TNS1: variants seen among roughly 807,000 people sequenced by gnomAD.
TNS1 encodes tensin 1.
In TNS1, 62 loss-of-function variants were observed where a neutral mutation model predicts 168.6. That is an observed-to-expected ratio of 0.37 (90% confidence interval 0.30 to 0.45). The LOEUF is 0.45. TNS1 is among the 20% of genes least tolerant of loss of function. The pLI is 1.00. For synonymous variants in TNS1, 934 were observed against 933.2 expected, an observed-to-expected ratio of 1.00 and a Z score of -0.02; for missense variants, 2,240 against 2,339.4, an observed-to-expected ratio of 0.96 and a Z score of 0.88.
chr2:217,958,548 T>A (rs146077770), intron 3 of TNS1, among the ~76,000 whole-genome samples: 95 of 152,324 alleles, frequency 6.2e-4, no homozygotes, highest in African/African-American at 2.2e-3. Context: ...CTGGACTAGT[T>A]CTTTACTTCC....
At chr2:217,956,356 A>C (rs1234512288) in intron 3 of TNS1, among the ~76,000 whole-genome samples, 1 of 152,094 alleles carries the variant, frequency 6.6e-6, no homozygotes, top group Non-Finnish European at 1.5e-5. Context: ...CCTGGGGAAC[A>C]AGGGAGGCTC....
intron 3 of TNS1, among the ~76,000 whole-genome samples, chr2:217,920,969 G>T (rs923531295): frequency 6.6e-6 from 1 of 151,728 alleles, no homozygotes; most frequent in East Asian, 2.0e-4. Flanking sequence ...AGAAGGGAGA[G>T]GGGGAGAGTA....
At chr2:217,899,014 C>T (rs1952635932) in intron 7 of TNS1, among the ~76,000 whole-genome samples, 1 of 152,238 alleles carries the variant, frequency 6.6e-6, no homozygotes, top group Admixed American at 6.5e-5. Context: ...CCTTTCACCA[C>T]AGCGGGATAA....
chr2:217,867,668 C>T (rs1000575781), intron 18 of TNS1, among the ~76,000 whole-genome samples: 2 of 152,252 alleles, frequency 1.3e-5, no homozygotes, highest in Non-Finnish European at 2.9e-5. Flanking sequence ...ACACAACCTC[C>T]ATTCAGTCAC....
At position 217,948,558 on chromosome 2, in the gene TNS1, G is replaced by A; in HGVS notation, c.187-28322C>T. ...TTCTGACCATGCCCTCCCCGCTACA[G>A]CTAGAGATGAGTTCGGGCTGTCTCC... On this transcript the variant is annotated intron_variant, in intron 3 of 32. Transcript: ENST00000682258. This position sits in a 1 kb window ranked among gnomAD's most constrained non-coding sequence, Gnocchi z 4.1. 6.6e-6 allele frequency among the ~76,000 whole-genome samples: 1 copy of A among 152,146 alleles called. No homozygotes were observed. The highest frequency in any genetic ancestry group is 1.9e-4 in the East Asian group (1 of 5,184).
intron 3 of TNS1, among the ~76,000 whole-genome samples, chr2:217,958,626 G>T (rs1489427022): frequency 2.0e-5 from 3 of 152,230 alleles, no homozygotes; most frequent in Non-Finnish European, 4.4e-5. Context: ...GACAGGTAAA[G>T]TGTGACTGAG....
chr2:218,028,632 C>G (rs572964022), intron 1 of TNS1, among the ~76,000 whole-genome samples: 1 of 152,226 alleles, frequency 6.6e-6, no homozygotes, highest in Non-Finnish European at 1.5e-5. Flanking sequence ...ACTCTCATAT[C>G]TCAGGCCAGA....
intron 6 of TNS1, among the ~76,000 whole-genome samples, chr2:217,903,379 C>T (rs1298176480): frequency 1.3e-5 from 2 of 152,180 alleles, no homozygotes; most frequent in African/African-American, 2.4e-5. Context: ...GCCTACTCCG[C>T]GTGGAGCCCC....
intron 32 of TNS1, among the ~76,000 whole-genome samples, chr2:217,805,506 A>C (rs1938506326): frequency 2.0e-5 from 1 of 49,852 alleles, no homozygotes; most frequent in Admixed American, 3.1e-4. Context: ...CACACACACC[A>C]CCACACACAC....
chr2:217,830,245 C>CA, intron 22 of TNS1: 1 of 1,313,802 alleles, frequency 7.6e-7, no homozygotes, highest in Non-Finnish European at 1.1e-6. Flanking sequence ...GAGGCAGCCC[C>CA]CAGCCCCCTT....
chr2:217,884,846 T>C (rs899742984), intron 16 of TNS1, among the ~76,000 whole-genome samples, 189 bp downstream of exon 16: 2 of 152,162 alleles, frequency 1.3e-5, no homozygotes, highest in African/African-American at 4.8e-5. Context: ...TACTAACAAC[T>C]GGAATTCCCA....
At chr2:218,005,596 C>G (rs149928263), upstream of TNS1, among the ~76,000 whole-genome samples, 41 of 152,338 alleles carry the variant, frequency 2.7e-4, no homozygotes, top group African/African-American at 9.4e-4. Context: ...TTTATTCCTC[C>G]TTCACAGCCT....
intron 22 of TNS1, among the ~76,000 whole-genome samples, chr2:217,828,036 G>A (rs1943862586): frequency 6.6e-6 from 1 of 152,220 alleles, no homozygotes; most frequent in South Asian, 2.1e-4. Flanking sequence ...GGCATCTGAA[G>A]CACAGAAACG....
chr2:217,888,299 C>T (rs1365565816), intron 12 of TNS1, among the ~76,000 whole-genome samples: 3 of 152,130 alleles, frequency 2.0e-5, no homozygotes, highest in South Asian at 4.1e-4. Context: ...CTGCCCTCCT[C>T]TCCTCCATCT....
At chr2:218,002,768 AGGTGGCAGGGGCC>A in intron 1 of TNS1, 59 bp downstream of exon 1, 1 of 456,074 alleles carries the variant, frequency 2.2e-6, no homozygotes, top group Non-Finnish European at 4.4e-6. Context: ...CAAAAGGATA[AGGTGGCAGGGGCC>A]GGTGGGGGGC....
intron 32 of TNS1, among the ~76,000 whole-genome samples, chr2:217,805,534 CCACACACACCACCACA>C (rs1938593635): frequency 3.5e-5 from 1 of 28,894 alleles, no homozygotes; most frequent in African/African-American, 1.3e-4. Context: ...ACCACACACA[CCACACACACCACCACA>C]CACCACACAC....
chr2:217,835,068 C>T (rs571087047), intron 21 of TNS1, 23 bp downstream of exon 21: 50 of 1,558,308 alleles, frequency 3.2e-5, no homozygotes, highest in Non-Finnish European at 4.1e-5. Context: ...ACAGGGAAGA[C>T]GAGCTTCACA....
rs779338381 is a variant in TNS1, at chr2:217,835,093, C to T, written c.3278G>A (p.Gly1093Glu). 25 of 1,570,832 alleles carry T rather than the reference C, an allele frequency of 1.6e-5. No individual in the cohort carries two copies. Among genetic ancestry groups the T allele is most frequent in the Non-Finnish European group, 2.0e-5 (23 of 1,165,124 alleles). Residue 1093 changes from glycine to glutamate, a missense_variant and splice_region_variant, in exon 21 of 33, where the codon GGG becomes GAG. Gly to Glu is a moderately conservative substitution (Grantham distance 98). Around this residue, in one of 2 missense-constraint regions of TNS1, gnomAD observed 2,131 missense variants for 2,171.2 expected, o/e 0.98. Transcript: ENST00000682258. ...GTSPSSPPPSGVRSPPGLAKT... is the reference protein window; with the variant it reads ...GTSPSSPPPSEVRSPPGLAKT... ...CGAGCTTCACAGGGAATTCTTACCC[C>T]CACTGGGTGGTGGGCTGCTCGGGGA...
chr2:217,869,209 G>A (rs1949549942), intron 18 of TNS1, among the ~76,000 whole-genome samples: 1 of 152,218 alleles, frequency 6.6e-6, no homozygotes, highest in East Asian at 1.9e-4. Context: ...GTAGCAGGCA[G>A]GGGAGGGAGT....
Sources: gnomAD v4.1 joint callset for allele counts (sites outside exome capture counted in the v4.1 genomes callset) on GRCh38, gnomAD v4.1.1 for gene constraint, gnomAD v4.1.1 regional missense constraint, Gnocchi (gnomAD v3.1) non-coding constraint, MANE v1.5 for transcripts, NCBI Gene and HGNC (gene_info 2026-07-23, HGNC 2026-07-21) for gene names.